Variants in MRPL9 observed in about 807,000 individuals in gnomAD.
The protein encoded by MRPL9 is mitochondrial ribosomal protein L9, also known as large ribosomal subunit protein bL9m.
Under a neutral mutation model 27.6 loss-of-function variants are expected in MRPL9, and 25 were observed. The ratio of observed to expected loss-of-function variants is 0.91; its 90% confidence interval spans 0.66 to 1.27. MRPL9 has a LOEUF of 1.27. Among genes scored for constraint, MRPL9 ranks in the 50% most tolerant of loss-of-function variants. The probability of loss-of-function intolerance (pLI) is 0.00; values close to 1 mark genes in which losing one functional copy is unlikely to be tolerated. For missense variants in MRPL9, 362 were observed against 338.0 expected, an observed-to-expected ratio of 1.07 and a Z score of -0.56; for synonymous variants, 154 against 139.0, an observed-to-expected ratio of 1.11 and a Z score of -0.76.
At position 151,762,484 on chromosome 1, in the gene MRPL9, AC is replaced by A; in HGVS notation, c.326del (p.Gly109ValfsTer6). Reference protein sequence around the residue: ...TQSVENVGVRGDLVSVKKSLG... With the variant: ...TQSVENVGVRXDLVSVKKSLG... Reference sequence around the variant, plus strand: ...AAGATTTCTTCACTGAGACCAGGTCACCCCGGACTCCAACATCTGTCAATTA... The same window carrying A: ...AAGATTTCTTCACTGAGACCAGGTCACCCGGACTCCAACATCTGTCAATTA... On this transcript the variant is annotated frameshift_variant, in exon 3 of 7. Transcript: ENST00000368830. LOFTEE classifies it high-confidence loss of function. The A allele has an allele frequency of 6.2e-7, 1 of 1,614,034 alleles. No homozygotes were observed. Among genetic ancestry groups the A allele is most frequent in the Non-Finnish European group, 8.5e-7 (1 of 1,179,934 alleles).
Position 151,762,948 on chromosome 1 carries a change from AC to A in MRPL9, c.310+41del, listed in dbSNP as rs1470489539. 9 of 1,596,922 alleles carry A rather than the reference AC, an allele frequency of 5.6e-6. No homozygotes were observed. The African/African-American group carries it at 1.2e-4, about 21-fold the overall frequency. ...ACGGGCTAGAAAAAGCTGATGCCAA[AC>A]CGGACCAGCCTGAGAGGAAGCGCCT... On this transcript the variant is annotated intron_variant, in intron 2 of 6. Transcript: ENST00000368830.
Position 151,762,396 on chromosome 1 carries a change from G to C in MRPL9, c.415C>G (p.Leu139Val). The C allele has an allele frequency of 6.2e-7, 1 of 1,614,152 alleles. No individual in the cohort carries two copies. Among genetic ancestry groups the C allele is most frequent in the Non-Finnish European group, 8.5e-7 (1 of 1,180,016 alleles). ...AVYASPENKK[L>V]FEEEKLLRQE... ...CTCACCAATTTCTCCTCTTCAAACA[G>C]CTTCTTGTTTTCAGGGGATGCATAT... The change falls in exon 3 of 7, where the codon CTG (leucine) becomes GTG (valine). Residue 139 changes from leucine (L) to valine (V), a missense_variant. By Grantham distance (32) the Leu-to-Val change is conservative (BLOSUM62 1). Transcript: ENST00000368830.
intron 6 of MRPL9, 125 bp downstream of exon 6, chr1:151,760,691 A>C (rs1648023143): frequency 1.2e-6 from 1 of 835,976 alleles, no homozygotes; most frequent in African/African-American, 1.8e-5. Flanking sequence ...GGATCGCTTG[A>C]ACCCAGGAGT....
chr1:151,762,268 C>T, intron 3 of MRPL9, 108 bp downstream of exon 3: 1 of 1,578,572 alleles, frequency 6.3e-7, no homozygotes, highest in South Asian at 1.1e-5. Context: ...TCCTGTTCTT[C>T]TAGTTCCTAT....
chr1:151,759,918 G>C lies in MRPL9; in HGVS notation c.*132C>G, dbSNP rs1006249179. ...ATGAAGAATTCAACATGTATACGCAGTGCAGTCTGATGTCTTCAGATGTTC... is the reference window on the plus strand; with the variant it reads ...ATGAAGAATTCAACATGTATACGCACTGCAGTCTGATGTCTTCAGATGTTC... On this transcript the variant is annotated 3_prime_UTR_variant, in exon 7 of 7. Transcript: ENST00000368830. The C allele has an allele frequency of 2.5e-6, 3 of 1,196,624 alleles. No homozygotes were observed. Among genetic ancestry groups the C allele is most frequent in the Non-Finnish European group, 3.5e-6 (3 of 867,784 alleles). The allele number at this position is 1,196,624 out of a possible 1,614,324, so 74.1% of individuals were successfully genotyped here. A position where few individuals can be genotyped will look rare whatever the true frequency, so the allele number is the denominator to read the frequency against.
intron 1 of MRPL9, 40 bp from the exon 2 acceptor site, chr1:151,763,186 G>A (rs757814724): frequency 1.3e-6 from 2 of 1,598,978 alleles, no homozygotes; most frequent in South Asian, 1.1e-5. Context: ...GTCTCCACAA[G>A]GAACACCCTC....
In MRPL9 at chr1:151,762,168, G is replaced by A. The variant is rs769321997; in HGVS notation, c.436-13C>T. The A allele has an allele frequency of 2.2e-5, 35 of 1,613,910 alleles. No homozygotes were observed. The highest frequency in any genetic ancestry group is 2.9e-5 in the Non-Finnish European group (34 of 1,179,884). On this transcript the variant is annotated splice_polypyrimidine_tract_variant and intron_variant, in intron 3 of 6. Transcript: ENST00000368830. ...CTTCTTGTCTCAGCTAGAAAAGAAAGTTAAAGATGAAAAGCAGTAAAAGAA... is the reference window on the plus strand; with the variant it reads ...CTTCTTGTCTCAGCTAGAAAAGAAAATTAAAGATGAAAAGCAGTAAAAGAA...
In MRPL9 at chr1:151,762,075, CAAAT is replaced by C. The variant is rs71797945; in HGVS notation, c.486+26_486+29del. ...AGGGTGAGGTTGGTAAGTCTTGTGA[CAAAT>C]AAACACTTTTTATGTTTCTACTCAC... On this transcript the variant is annotated intron_variant, in intron 4 of 6. Transcript: ENST00000368830. 7,059 of 1,612,500 alleles carry C rather than the reference CAAAT, an allele frequency of 4.4e-3. 266 individuals carry two copies. The African/African-American group carries it at 0.085, about 19-fold the overall frequency.
chr1:151,762,021 G>C, intron 4 of MRPL9, 84 bp downstream of exon 4: 1 of 1,363,112 alleles, frequency 7.3e-7, no homozygotes, highest in Non-Finnish European at 1.0e-6. Flanking sequence ...CTGCAATCAG[G>C]AGACCTCAAG....
chr1:151,760,757 A>T, intron 6 of MRPL9, 59 bp downstream of exon 6: 1 of 1,455,122 alleles, frequency 6.9e-7, no homozygotes, highest in Non-Finnish European at 9.3e-7. Flanking sequence ...AAGGAAAAAA[A>T]GGAAAAAGTG....
chr1:151,760,186 A>C lies in MRPL9; in HGVS notation c.673-5T>G. 1 of 1,614,142 alleles carries C rather than the reference A, an allele frequency of 6.2e-7. No homozygotes were observed. Among genetic ancestry groups the C allele is most frequent in the Non-Finnish European group, 8.5e-7 (1 of 1,179,990 alleles). On this transcript the variant is annotated splice_region_variant and splice_polypyrimidine_tract_variant and intron_variant, in intron 6 of 6. Transcript: ENST00000368830. ...CACAGTATCAAGCCCATTTACCTGCACACAAAACAATGGGAATTCTCAGAG... is the reference window on the plus strand; with the variant it reads ...CACAGTATCAAGCCCATTTACCTGCCCACAAAACAATGGGAATTCTCAGAG...
chr1:151,762,874 G>A (rs1648166764), intron 2 of MRPL9, 116 bp downstream of exon 2: 10 of 1,231,776 alleles, frequency 8.1e-6, no homozygotes, highest in Non-Finnish European at 1.1e-5. Flanking sequence ...CTCACATATA[G>A]AGTTGGATTG....
At position 151,762,365 on chromosome 1, in the gene MRPL9, T is replaced by C; in HGVS notation, c.435+11A>G. 1 of 1,614,114 alleles carries C rather than the reference T, an allele frequency of 6.2e-7. No homozygotes were observed. Among genetic ancestry groups the C allele is most frequent in the Middle Eastern group, 1.7e-4 (1 of 5,974 alleles). ...TCTCCCCAAGTCTCTCTGTCCTTCC[T>C]TTGAGCTCACCAATTTCTCCTCTTC... is the stretch of plus-strand genomic sequence containing the variant. On this transcript the variant is annotated intron_variant, in intron 3 of 6. Coordinates refer to ENST00000368830, the MANE Select transcript of MRPL9 (RefSeq NM_031420.4).
chr1:151,762,987 T>C lies in MRPL9; in HGVS notation c.310+3A>G, dbSNP rs543295693. On this transcript the variant is annotated splice_donor_region_variant and intron_variant, in intron 2 of 6. Transcript: ENST00000368830. ...AGAGGAAGCGCCTCGGCCCGGGCCTTACTCTCCACCGACTGCGTCAGGATG... is the reference window on the plus strand; with the variant it reads ...AGAGGAAGCGCCTCGGCCCGGGCCTCACTCTCCACCGACTGCGTCAGGATG... 1 of 1,613,852 alleles carries C rather than the reference T, an allele frequency of 6.2e-7. No homozygotes were observed. Among genetic ancestry groups the C allele is most frequent in the African/African-American group, 1.3e-5 (1 of 75,048 alleles).
intron 6 of MRPL9, 99 bp from the exon 7 acceptor site, chr1:151,760,280 G>C (rs1253637510): frequency 4.7e-6 from 7 of 1,490,626 alleles, no homozygotes; most frequent in African/African-American, 1.4e-5. Context: ...CTCCCAGTCA[G>C]AAAAAGGAGA....
Position 151,760,966 on chromosome 1 carries a change from T to C in MRPL9, c.589-67A>G, listed in dbSNP as rs149971810. Reference sequence around the variant, plus strand: ...AACTCTGTTTTCATGACTGCCACTCTAGGGAACCTCATAAAGAGGGTTACA... The same window carrying C: ...AACTCTGTTTTCATGACTGCCACTCCAGGGAACCTCATAAAGAGGGTTACA... On this transcript the variant is annotated intron_variant, in intron 5 of 6. Transcript: ENST00000368830. The C allele has an allele frequency of 1.7e-5, 23 of 1,388,188 alleles. No individual in the cohort carries two copies. In the African/African-American group the frequency reaches 3.3e-4, roughly 20 times the overall value. 86.0% of individuals were successfully genotyped at this position (1,388,188 alleles called of 1,614,324 possible).
chr1:151,762,518 G>A lies in MRPL9; in HGVS notation c.311-18C>T, dbSNP rs201028753. The A allele has an allele frequency of 3.4e-4, 546 of 1,613,220 alleles. No individual in the cohort carries two copies. The highest frequency in any genetic ancestry group is 4.1e-4 in the Non-Finnish European group (484 of 1,179,470). On this transcript the variant is annotated intron_variant, in intron 2 of 6. Coordinates refer to ENST00000368830, the MANE Select transcript of MRPL9 (RefSeq NM_031420.4). ...TCCAACATCTGTCAATTAGAACAGAGACAGGGGAATTAGAACCATCTAGGA... is the reference window on the plus strand; with the variant it reads ...TCCAACATCTGTCAATTAGAACAGAAACAGGGGAATTAGAACCATCTAGGA...
At position 151,763,316 on chromosome 1, in the gene MRPL9, T is replaced by C; in HGVS notation, c.153+11A>G. 6.3e-7 allele frequency: 1 copy of C among 1,594,172 alleles called. No individual in the cohort carries two copies. The highest frequency in any genetic ancestry group is 8.5e-7 in the Non-Finnish European group (1 of 1,169,618). On this transcript the variant is annotated intron_variant, in intron 1 of 6. Transcript: ENST00000368830. ...AGCGTATCTACCCCCTACCCCAGAC[T>C]CAGCCCTCACCCGATTTTGAGAAAG... is the stretch of plus-strand genomic sequence containing the variant.
At chr1:151,762,529 T>G in intron 2 of MRPL9, 29 bp from the exon 3 acceptor site, 5 of 1,611,368 alleles carry the variant, frequency 3.1e-6, no homozygotes, top group South Asian at 1.1e-5. Context: ...ACAGGGGAAT[T>G]AGAACCATCT....
Sources: gnomAD v4.1 joint callset for allele counts on GRCh38, gnomAD v4.1.1 for gene constraint, MANE v1.5 for transcripts, NCBI Gene and HGNC (gene_info 2026-07-23, HGNC 2026-07-21) for gene names.